The following PVT1 variants were observed in gnomAD, a reference collection of about 807,000 sequenced individuals.
PVT1 encodes the protein Pvt1 oncogene, also known as CXCR4/PVT1 fusion.
rs1816241930 is a variant in PVT1 at position 127,933,906 on chromosome 8, A to G, written n.782+42908A>G. Among the ~76,000 whole-genome samples the G allele has an allele frequency of 3.3e-5, 5 of 152,350 alleles. No individual in the cohort carries two copies. In the South Asian group the frequency reaches 1.0e-3, roughly 32 times the overall value. ...AATGGGAATTATTGTTTGAGCCTCT[A>G]AAGTGAGACAGTCAAATGAGATGGG... is the stretch of plus-strand genomic sequence containing the variant. On this transcript the variant is annotated intron_variant and non_coding_transcript_variant, in intron 3 of 10. Transcript: ENST00000651587.
intron 3 of PVT1, among the ~76,000 whole-genome samples, chr8:127,896,793 C>A (rs1815684347): frequency 7.0e-6 from 1 of 143,256 alleles, no homozygotes; most frequent in Non-Finnish European, 1.5e-5. Context: ...CCGCCCCCGA[C>A]CCACAGGCCC....
chr8:127,996,520 G>A (rs950558081), intron 4 of PVT1: 1 of 151,848 alleles, frequency 6.6e-6, no homozygotes, highest in Non-Finnish European at 1.5e-5. Context: ...CAACAACACT[G>A]AGCCTCAAGG....
rs115121067 is a variant in PVT1 at position 128,064,432 on chromosome 8, C to G, written n.913-5728C>G. On this transcript the variant is annotated intron_variant and non_coding_transcript_variant, in intron 4 of 10. Coordinates refer to ENST00000651587, the Ensembl canonical transcript of PVT1. ...TGGTCACCTTTTAACCCTCCTTCCT[C>G]CTCCCTAATTGCCTCCCCCAGCCCA... Among the ~76,000 whole-genome samples the G allele has an allele frequency of 8.0e-3, 1,218 of 152,334 alleles. 19 individuals carry two copies. The highest frequency in any genetic ancestry group is 0.028 in the African/African-American group (1,152 of 41,570).
At chr8:127,860,528 G>A (rs1323621509) in intron 2 of PVT1, among the ~76,000 whole-genome samples, 1 of 152,098 alleles carries the variant, frequency 6.6e-6, no homozygotes, top group Middle Eastern at 3.2e-3. Flanking sequence ...ACTTCGGGAG[G>A]CCAAGGTGGG....
intron 6 of PVT1, chr8:128,100,869 TC>T (rs1814495126): frequency 2.0e-5 from 3 of 152,376 alleles, no homozygotes; most frequent in South Asian, 4.2e-4. Context: ...AGAGCCTGAA[TC>T]CTACTAAGCT....
intron 3 of PVT1, among the ~76,000 whole-genome samples, chr8:127,984,750 G>A (rs1163936436): frequency 2.6e-5 from 4 of 152,142 alleles, no homozygotes; most frequent in Non-Finnish European, 5.9e-5. Context: ...GGGATTACAG[G>A]CATACGCCAC....
intron 3 of PVT1, among the ~76,000 whole-genome samples, chr8:127,913,766 C>T (rs188002219): frequency 5.5e-4 from 84 of 152,178 alleles, no homozygotes; most frequent in African/African-American, 1.9e-3. Flanking sequence ...TTAAGTCGTC[C>T]GCAGTCTTTC....
chr8:127,969,034 C>T (rs1816734597), intron 3 of PVT1, among the ~76,000 whole-genome samples: 1 of 152,062 alleles, frequency 6.6e-6, no homozygotes, highest in African/African-American at 2.4e-5. Context: ...TGTTTCAAGC[C>T]ACCTATTTTG....
chr8:127,871,353 G>A (rs192229936), intron 2 of PVT1, among the ~76,000 whole-genome samples: 101 of 152,354 alleles, frequency 6.6e-4, no homozygotes, highest in African/African-American at 2.3e-3. Flanking sequence ...TTTACTCATG[G>A]AATGCAGGGG....
At chr8:127,853,610 G>T (rs1815128831) in intron 2 of PVT1, among the ~76,000 whole-genome samples, 1 of 151,980 alleles carries the variant, frequency 6.6e-6, no homozygotes, top group Non-Finnish European at 1.5e-5. Context: ...GTGAAACCCT[G>T]TCTGTACTAA....
At position 127,880,450 on chromosome 8, in the gene PVT1, C is replaced by T. The variant is rs561549421; in HGVS notation, n.373-10139C>T. On this transcript the variant is annotated intron_variant and non_coding_transcript_variant, in intron 2 of 10. Transcript: ENST00000651587. ...GACTACAGGCGCTCGCCACCACGCC[C>T]GGCTAATTTTTTTTTTTTTGTATTT... Among the ~76,000 whole-genome samples, 228 of 149,072 alleles carry T rather than the reference C, an allele frequency of 1.5e-3. 4 individuals carry two copies. The highest frequency in any genetic ancestry group is 5.3e-3 in the African/African-American group (207 of 39,016).
chr8:128,052,116 C>T (rs538500512), intron 4 of PVT1, among the ~76,000 whole-genome samples: 3 of 152,294 alleles, frequency 2.0e-5, no homozygotes, highest in Non-Finnish European at 4.4e-5. Flanking sequence ...GGTGGATTGG[C>T]TGGCAGGGTC....
intron 4 of PVT1, among the ~76,000 whole-genome samples, chr8:128,023,163 C>T (rs938770424): frequency 2.0e-5 from 3 of 152,152 alleles, no homozygotes; most frequent in Non-Finnish European, 1.5e-5. Context: ...CCACTGTATC[C>T]GGCTGCAAGC....
intron 5 of PVT1, among the ~76,000 whole-genome samples, chr8:128,078,981 T>C (rs982870647): frequency 3.4e-5 from 5 of 148,310 alleles, no homozygotes; most frequent in African/African-American, 1.3e-4. Context: ...TTGTTTTGTT[T>C]TTGGGTTTTT....
At chr8:128,084,975 G>A (rs763148802) in intron 5 of PVT1, among the ~76,000 whole-genome samples, 16 of 152,192 alleles carry the variant, frequency 1.1e-4, no homozygotes, top group Non-Finnish European at 2.2e-4. Context: ...CAGTCAGAAC[G>A]AGGTTCCCAT....
At position 127,887,931 on chromosome 8, in the gene PVT1, G is replaced by GTTTTTTTTTTTTT. The variant is rs560976785; in HGVS notation, n.373-2643_373-2631dup. ...TGGATGCAGAATCTCACTCTATCTT[G>GTTTTTTTTTTTTT]TTTTTTTTTTTTTTTTTTTTTTTTT... On this transcript the variant is annotated intron_variant and non_coding_transcript_variant, in intron 2 of 10. Coordinates refer to ENST00000651587, the Ensembl canonical transcript of PVT1. Among the ~76,000 whole-genome samples the GTTTTTTTTTTTTT allele has an allele frequency of 1.2e-4, 8 of 66,588 alleles. 2 individuals carry two copies. The highest frequency in any genetic ancestry group is 6.3e-4 in the East Asian group (1 of 1,576). The allele number at this position is 66,588 out of a possible 152,430, so 43.7% of individuals were successfully genotyped here.
At chr8:127,947,863 C>G (rs1422582541) in intron 3 of PVT1, 1 of 456,556 alleles carries the variant, frequency 2.2e-6, no homozygotes. Flanking sequence ...GCTATACCCT[C>G]TTGTAAGAGC....
intron 5 of PVT1, among the ~76,000 whole-genome samples, chr8:128,091,034 A>G (rs1814344283): frequency 6.6e-6 from 1 of 152,072 alleles, no homozygotes; most frequent in Non-Finnish European, 1.5e-5. Flanking sequence ...TTTCCCACAG[A>G]CTTTCCTGGG....
At chr8:127,798,591 G>A (rs1814425228) in intron 2 of PVT1, among the ~76,000 whole-genome samples, 1 of 150,752 alleles carries the variant, frequency 6.6e-6, no homozygotes, top group Admixed American at 6.7e-5. Context: ...GGGTGCAGTA[G>A]CTCACACCCG....
Sources: allele counts gnomAD v4.1 joint callset (sites outside exome capture counted in the v4.1 genomes callset), GRCh38; gene constraint gnomAD v4.1.1; transcripts MANE v1.5; gene names NCBI Gene and HGNC (gene_info 2026-07-23, HGNC 2026-07-21).